Variants in ZKSCAN1 observed in about 807,000 individuals in gnomAD.
ZKSCAN1 encodes the protein zinc finger with KRAB and SCAN domains 1, also known as zinc finger protein with KRAB and SCAN domains 1.
In ZKSCAN1, 14 loss-of-function variants were observed where a neutral mutation model predicts 51.6. That is an observed-to-expected ratio of 0.27 (90% confidence interval 0.18 to 0.42). ZKSCAN1 has a LOEUF of 0.42. ZKSCAN1 is among the 10% of genes least tolerant of loss of function. ZKSCAN1 has a pLI of 1.00. For missense variants in ZKSCAN1, 531 were observed against 710.0 expected (o/e 0.75, Z 2.86); for synonymous variants, 263 against 261.5 (o/e 1.01, Z -0.06).
Position 100,033,007 on chromosome 7 carries a change from CAAAAA to C in ZKSCAN1, c.800-288_800-284del, listed in dbSNP as rs751028310. ...TGGGTAACAGAGCAAGACTCCATCTCAAAAAAAAAAAAAAGTTACCCGGGCGTGGT... is the reference window on the plus strand; with the variant it reads ...TGGGTAACAGAGCAAGACTCCATCTCAAAAAAAAAGTTACCCGGGCGTGGT... On this transcript the variant is annotated intron_variant, in intron 5 of 5. Coordinates refer to ENST00000324306, the MANE Select transcript of ZKSCAN1 (RefSeq NM_003439.4). This position sits in a 1 kb window ranked among gnomAD's most constrained non-coding sequence, Gnocchi z 4.1. 7.6e-6 allele frequency among the ~76,000 whole-genome samples: 1 copy of C among 132,342 alleles called. No homozygotes were observed. Among genetic ancestry groups the C allele is most frequent in the Non-Finnish European group, 1.6e-5 (1 of 61,026 alleles). The allele number at this position is 132,342 out of a possible 152,430, so 86.8% of individuals were successfully genotyped here. A position where few individuals can be genotyped will look rare whatever the true frequency, so the allele number is the denominator to read the frequency against.
intron 3 of ZKSCAN1, among the ~76,000 whole-genome samples, chr7:100,028,506 CTTA>C (rs933115611): frequency 1.3e-5 from 2 of 152,110 alleles, no homozygotes; most frequent in South Asian, 2.1e-4. Flanking sequence ...GAGAGCCTAT[CTTA>C]TTGTTGTATA....
At chr7:100,042,686 T>C (rs1791628861), downstream of ZKSCAN1, among the ~76,000 whole-genome samples, 1 of 152,006 alleles carries the variant, frequency 6.6e-6, no homozygotes, top group African/African-American at 2.4e-5. Context: ...AGGTCTCATA[T>C]ATATTTTTAT....
At position 100,017,767 on chromosome 7, in the gene ZKSCAN1, A is replaced by G. The variant is rs138664804; in HGVS notation, c.-89+2041A>G. Among the ~76,000 whole-genome samples, 672 of 152,180 alleles carry G rather than the reference A, an allele frequency of 4.4e-3. 6 individuals are homozygous for G. Among genetic ancestry groups the G allele is most frequent in the African/African-American group, 0.015 (624 of 41,518 alleles). ...TATCTGGAACCCCCACCCTACCCCC[A>G]TTTGACTGATAAAGATACAAAATGC... On this transcript the variant is annotated intron_variant, in intron 1 of 5. Transcript: ENST00000324306.
At position 100,041,569 on chromosome 7, in the gene ZKSCAN1, A is replaced by G. The variant is rs1258391525; in HGVS notation, c.*7372A>G. ...CATTTTAGGAAGCCAGTGGCGTCTG[A>G]TAAAGAAATGTTAAGAGTAGTGAGG... On this transcript the variant is annotated 3_prime_UTR_variant, in exon 6 of 6. Coordinates refer to ENST00000324306, the MANE Select transcript of ZKSCAN1 (RefSeq NM_003439.4). The G allele has an allele frequency of 1.0e-6, 1 of 985,358 alleles. No homozygotes were observed. Among genetic ancestry groups the G allele is most frequent in the African/African-American group, 1.7e-5 (1 of 57,250 alleles). The allele number at this position is 985,358 out of a possible 1,614,324, so 61.0% of individuals were successfully genotyped here. A position where few individuals can be genotyped will look rare whatever the true frequency, so the allele number is the denominator to read the frequency against.
chr7:100,038,979 CG>C lies in ZKSCAN1; in HGVS notation c.*4783del, dbSNP rs1384086437. On this transcript the variant is annotated 3_prime_UTR_variant, in exon 6 of 6. Coordinates refer to ENST00000324306, the MANE Select transcript of ZKSCAN1 (RefSeq NM_003439.4). The stretch of plus-strand genomic sequence containing the variant: ...CACTGCACTCCAGCCTGGGTGATGG[CG>C]TGAGACTCCATGTCAAAAAAAAAAA... 2 of 115,560 alleles carry C rather than the reference CG, an allele frequency of 1.7e-5. No homozygotes were observed. Among genetic ancestry groups the C allele is most frequent in the African/African-American group, 3.4e-5 (1 of 29,084 alleles). 7.2% of individuals were successfully genotyped at this position (115,560 alleles called of 1,614,324 possible).
At chr7:100,032,464 G>A (rs1045046874) in intron 5 of ZKSCAN1, among the ~76,000 whole-genome samples, 6 of 151,996 alleles carry the variant, frequency 3.9e-5, no homozygotes, top group African/African-American at 7.2e-5. Context: ...CTTTGCCTGC[G>A]CTCTCATTTT....
At chr7:100,024,130 C>G (rs1790712304) in intron 2 of ZKSCAN1, 24 bp from the exon 3 acceptor site, 4 of 1,589,108 alleles carry the variant, frequency 2.5e-6, no homozygotes, top group Admixed American at 1.9e-5. Context: ...GATTTACCCA[C>G]AAGCCCAACC....
chr7:100,032,043 T>A (rs1791129288), intron 5 of ZKSCAN1, among the ~76,000 whole-genome samples: 1 of 152,186 alleles, frequency 6.6e-6, no homozygotes, highest in Non-Finnish European at 1.5e-5. Context: ...CATGCCACTG[T>A]ACTCCAGCCT....
intron 3 of ZKSCAN1, among the ~76,000 whole-genome samples, chr7:100,027,665 G>A (rs1584339095): frequency 6.8e-6 from 1 of 147,412 alleles, no homozygotes; most frequent in Non-Finnish European, 1.5e-5. Flanking sequence ...GGAGAATGGC[G>A]TGAACCCGGG....
chr7:100,024,473 G>A, intron 3 of ZKSCAN1, 166 bp downstream of exon 3: 1 of 853,914 alleles, frequency 1.2e-6, no homozygotes. Flanking sequence ...GCACACCTGT[G>A]ATTCCAGCTA....
chr7:100,016,159 C>A (rs567343439), intron 1 of ZKSCAN1, among the ~76,000 whole-genome samples: 3 of 152,090 alleles, frequency 2.0e-5, no homozygotes, highest in African/African-American at 7.2e-5. Context: ...TTCGGGACCT[C>A]GAGGTGAAAT....
intron 3 of ZKSCAN1, 74 bp downstream of exon 3, chr7:100,024,381 G>A: frequency 6.5e-7 from 1 of 1,545,754 alleles, no homozygotes. Flanking sequence ...GAGTGCCTGT[G>A]ATGAAGAAGC....
At chr7:100,019,970 T>C (rs1790529088) in intron 1 of ZKSCAN1, among the ~76,000 whole-genome samples, 1 of 152,234 alleles carries the variant, frequency 6.6e-6, no homozygotes, top group African/African-American at 2.4e-5. Context: ...CCCAAAGTGC[T>C]GGGATGACAG....
At position 100,041,105 on chromosome 7, in the gene ZKSCAN1, A is replaced by G; in HGVS notation, c.*6908A>G. 2.3e-6 allele frequency: 2 copies of G among 864,546 alleles called. No individual in the cohort carries two copies. Among genetic ancestry groups the G allele is most frequent in the Non-Finnish European group, 2.8e-6 (2 of 719,766 alleles). 53.6% of individuals were successfully genotyped at this position (864,546 alleles called of 1,614,324 possible). On this transcript the variant is annotated 3_prime_UTR_variant, in exon 6 of 6. Transcript: ENST00000324306. ...TAAGCCTAAATCTATATAGAGGGCT[A>G]ACTCAGGCATTGTCTTGTTTATTTG...
chr7:100,038,387 A>G lies in ZKSCAN1; in HGVS notation c.*4190A>G. 1 of 985,488 alleles carries G rather than the reference A, an allele frequency of 1.0e-6. No homozygotes were observed. Among genetic ancestry groups the G allele is most frequent in the African/African-American group, 1.7e-5 (1 of 57,378 alleles). The allele number at this position is 985,488 out of a possible 1,614,324, so 61.0% of individuals were successfully genotyped here. A position where few individuals can be genotyped will look rare whatever the true frequency, so the allele number is the denominator to read the frequency against. Reference sequence around the variant, plus strand: ...GCGGGGAGAGGAAGGGAAAAGCTTCATAGTTTGGTGCTTATCACATCAAGA... The same window carrying G: ...GCGGGGAGAGGAAGGGAAAAGCTTCGTAGTTTGGTGCTTATCACATCAAGA... On this transcript the variant is annotated 3_prime_UTR_variant, in exon 6 of 6. Transcript: ENST00000324306.
chr7:100,019,345 T>C (rs1218738984), intron 1 of ZKSCAN1: 2 of 152,198 alleles, frequency 1.3e-5, no homozygotes, highest in African/African-American at 4.8e-5. Flanking sequence ...TAGCTGAGAT[T>C]ACAGGTATGT....
In ZKSCAN1 at chr7:100,033,035, G is replaced by C. The variant is rs554862938; in HGVS notation, c.800-270G>C. On this transcript the variant is annotated intron_variant, in intron 5 of 5. Coordinates refer to ENST00000324306, the MANE Select transcript of ZKSCAN1 (RefSeq NM_003439.4). The surrounding 1 kb of genome is among the most constrained non-coding windows in gnomAD (Gnocchi z 4.1). ...AAAAAAAAAAAAGTTACCCGGGCGT[G>C]GTAGCATGCACCTATAGTCCCAGCT... is the stretch of plus-strand genomic sequence containing the variant. Among the ~76,000 whole-genome samples the C allele has an allele frequency of 6.6e-6, 1 of 151,660 alleles. No homozygotes were observed. The highest frequency in any genetic ancestry group is 1.5e-5 in the Non-Finnish European group (1 of 67,926).
At chr7:100,018,187 C>G (rs531603708) in intron 1 of ZKSCAN1, among the ~76,000 whole-genome samples, 39 of 152,230 alleles carry the variant, frequency 2.6e-4, no homozygotes, top group African/African-American at 9.4e-4. Flanking sequence ...TGAAACTCAT[C>G]CAACTAGTCC....
At chr7:100,028,811 A>AC in intron 3 of ZKSCAN1, among the ~76,000 whole-genome samples, 1 of 151,928 alleles carries the variant, frequency 6.6e-6, no homozygotes, top group East Asian at 1.9e-4. Context: ...AAAAAAAAAA[A>AC]ACAGTATTTA....
Sources: gnomAD v4.1 joint callset for allele counts (sites outside exome capture counted in the v4.1 genomes callset) on GRCh38, gnomAD v4.1.1 for gene constraint, Gnocchi (gnomAD v3.1) non-coding constraint, MANE v1.5 for transcripts, NCBI Gene and HGNC (gene_info 2026-07-23, HGNC 2026-07-21) for gene names.